ZCWPW2: variants seen among roughly 807,000 people sequenced by gnomAD.
The protein encoded by ZCWPW2 is zinc finger CW-type PWWP domain protein 2.
ZCWPW2 carries 45 observed loss-of-function variants against 46.6 expected under a neutral mutation model. The ratio of observed to expected loss-of-function variants is 0.96; its 90% CI spans 0.76 to 1.24. The LOEUF is 1.24. ZCWPW2 is among the 50% of genes most tolerant of loss of function. The pLI, the probability that ZCWPW2 is intolerant of heterozygous loss-of-function variation, is 0.00. For missense variants in ZCWPW2, 429 were observed against 403.9 expected, an observed-to-expected ratio of 1.06 and a Z score of -0.53; for synonymous variants, 152 against 137.1, an observed-to-expected ratio of 1.11 and a Z score of -0.76.
chr3:28,487,424 T>G (rs1473192238), intron 5 of ZCWPW2, among the ~76,000 whole-genome samples: 2 of 152,226 alleles, frequency 1.3e-5, no homozygotes, highest in Non-Finnish European at 2.9e-5. Flanking sequence ...TTCATTTATG[T>G]TGCATTACTT....
chr3:28,441,594 T>C (rs1380467435), intron 4 of ZCWPW2, among the ~76,000 whole-genome samples: 1 of 152,152 alleles, frequency 6.6e-6, no homozygotes, highest in Non-Finnish European at 1.5e-5. Context: ...CATGAGGCCA[T>C]TGGTGCAAGC....
intron 1 of ZCWPW2, among the ~76,000 whole-genome samples, chr3:28,361,977 A>G (rs1027292739): frequency 1.3e-5 from 2 of 152,152 alleles, no homozygotes; most frequent in Non-Finnish European, 2.9e-5. Flanking sequence ...TTTCCCCCAA[A>G]TTAAAAGTGG....
At chr3:28,378,861 A>C (rs912326459) in intron 1 of ZCWPW2, among the ~76,000 whole-genome samples, 2 of 152,142 alleles carry the variant, frequency 1.3e-5, no homozygotes, top group Admixed American at 6.5e-5. Context: ...CTTGTAGAGG[A>C]TGTCACTACA....
intron 6 of ZCWPW2, among the ~76,000 whole-genome samples, chr3:28,494,914 C>T (rs1326014073): frequency 6.8e-6 from 1 of 147,782 alleles, no homozygotes; most frequent in East Asian, 2.0e-4. Context: ...AACCACTGCT[C>T]AAGGAAATAA....
chr3:28,435,676 C>G (rs891845639), intron 4 of ZCWPW2, among the ~76,000 whole-genome samples: 1 of 151,644 alleles, frequency 6.6e-6, no homozygotes, highest in East Asian at 1.9e-4. Context: ...TTAGTAGAGG[C>G]GGGGTTTCAC....
chr3:28,526,354 A>G lies in ZCWPW2; in HGVS notation c.*1666A>G, dbSNP rs1352651328. Among the ~76,000 whole-genome samples, 1 of 152,166 alleles carries G rather than the reference A, an allele frequency of 6.6e-6. No homozygotes were observed. Among genetic ancestry groups the G allele is most frequent in the Admixed American group, 6.6e-5 (1 of 15,266 alleles). On this transcript the variant is annotated 3_prime_UTR_variant, in exon 10 of 10. Coordinates refer to ENST00000383768, the MANE Select transcript of ZCWPW2 (RefSeq NM_001040432.4). ...CTCATTTATAAAATTAATCTTTGGA[A>G]ACCATCACAAGCAACATTATGATCT...
rs71295064 is a variant in ZCWPW2 at position 28,433,917 on chromosome 3, G to GTTTTT, written c.333-1183_333-1179dup. ...AGTTGCCTCTTCCAATTCCACCCCA[G>GTTTTT]TTTTTTTTTTTTTTGACCACTTTTA... On this transcript the variant is annotated intron_variant, in intron 3 of 9. Coordinates refer to ENST00000383768, the MANE Select transcript of ZCWPW2 (RefSeq NM_001040432.4). 5.2e-3 allele frequency among the ~76,000 whole-genome samples: 733 copies of GTTTTT among 140,740 alleles called. 12 individuals are homozygous for GTTTTT. Among genetic ancestry groups the GTTTTT allele is most frequent in the African/African-American group, 0.018 (703 of 38,430 alleles). The allele number at this position is 140,740 out of a possible 152,430, so 92.3% of individuals were successfully genotyped here. A position where few individuals can be genotyped will look rare whatever the true frequency, so the allele number is the denominator to read the frequency against.
intron 2 of ZCWPW2, among the ~76,000 whole-genome samples, chr3:28,391,722 T>C (rs984929190): frequency 4.6e-5 from 7 of 152,188 alleles, no homozygotes; most frequent in Non-Finnish European, 8.8e-5. Context: ...CTGACAGCTT[T>C]CACAACTGAG....
chr3:28,443,654 A>G (rs1358994204), intron 4 of ZCWPW2, among the ~76,000 whole-genome samples: 1 of 152,172 alleles, frequency 6.6e-6, no homozygotes, highest in Non-Finnish European at 1.5e-5. Flanking sequence ...CTTGCCTTTA[A>G]TGGTTGAGTA....
At chr3:28,511,350 A>T (rs1700420785) in intron 6 of ZCWPW2, among the ~76,000 whole-genome samples, 1 of 152,198 alleles carries the variant, frequency 6.6e-6, no homozygotes, top group Non-Finnish European at 1.5e-5. Flanking sequence ...TAATGTAAAC[A>T]AGATTTTAAA....
At chr3:28,502,921 T>A (rs574556399) in intron 6 of ZCWPW2, among the ~76,000 whole-genome samples, 1 of 152,308 alleles carries the variant, frequency 6.6e-6, no homozygotes, top group East Asian at 1.9e-4. Context: ...TCTGTGATTT[T>A]CTCTAGTCGT....
At chr3:28,521,266 T>A in intron 9 of ZCWPW2, 150 bp downstream of exon 9, 1 of 776,062 alleles carries the variant, frequency 1.3e-6, no homozygotes, top group Non-Finnish European at 1.9e-6. Context: ...AATAATAAAC[T>A]AGTAACCTGT....
intron 4 of ZCWPW2, among the ~76,000 whole-genome samples, chr3:28,462,854 C>T (rs1269427019): frequency 6.6e-6 from 1 of 152,114 alleles, no homozygotes; most frequent in Non-Finnish European, 1.5e-5. Flanking sequence ...AAACCTTGTT[C>T]AGCGAGTCCA....
intron 1 of ZCWPW2, among the ~76,000 whole-genome samples, chr3:28,365,362 T>A (rs1294295286): frequency 7.1e-6 from 1 of 141,524 alleles, no homozygotes; most frequent in East Asian, 1.9e-4. Context: ...AGCTTTTACA[T>A]ATGGCTAGCC....
chr3:28,515,489 C>A (rs1559536442), intron 7 of ZCWPW2, 65 bp from the exon 8 acceptor site: 18 of 1,229,548 alleles, frequency 1.5e-5, no homozygotes, highest in Non-Finnish European at 1.9e-5. Context: ...TGAATAGGCA[C>A]AAATGGTCAT....
intron 2 of ZCWPW2, among the ~76,000 whole-genome samples, chr3:28,393,283 G>A (rs1415321937): frequency 1.3e-5 from 2 of 152,180 alleles, no homozygotes; most frequent in Admixed American, 1.3e-4. Flanking sequence ...CTAATAATAA[G>A]TAAGGAGTTT....
In ZCWPW2 at chr3:28,498,878, A is replaced by G. The variant is rs140569008; in HGVS notation, c.657+6705A>G. ...CGTGTTCATTGTTCAACTCCCATTT[A>G]TGAGTGAGAACATGTGGTGTTTGGT... On this transcript the variant is annotated intron_variant, in intron 6 of 9. Coordinates refer to ENST00000383768, the MANE Select transcript of ZCWPW2 (RefSeq NM_001040432.4). Among the ~76,000 whole-genome samples the G allele has an allele frequency of 2.5e-3, 380 of 152,018 alleles. 1 individual carries two copies. Among genetic ancestry groups the G allele is most frequent in the African/African-American group, 8.4e-3 (347 of 41,454 alleles).
intron 3 of ZCWPW2, among the ~76,000 whole-genome samples, chr3:28,420,538 T>C (rs2125746878): frequency 6.6e-6 from 1 of 152,112 alleles, no homozygotes; most frequent in East Asian, 1.9e-4. Context: ...TATTTTTCTC[T>C]AATCACTTTC....
At chr3:28,430,877 T>C (rs1220461763) in intron 3 of ZCWPW2, among the ~76,000 whole-genome samples, 2 of 152,192 alleles carry the variant, frequency 1.3e-5, no homozygotes, top group Non-Finnish European at 2.9e-5. Context: ...TGATTGTAAG[T>C]TTCCTAAGGC....
Sources: gnomAD v4.1 joint callset for allele counts (sites outside exome capture counted in the v4.1 genomes callset) on GRCh38, gnomAD v4.1.1 for gene constraint, MANE v1.5 for transcripts, NCBI Gene and HGNC (gene_info 2026-07-23, HGNC 2026-07-21) for gene names.